Variants in LRRFIP2 observed in about 807,000 individuals in gnomAD.
The protein encoded by LRRFIP2 is LRR binding FLII interacting protein 2.
LRRFIP2 carries 109 observed loss-of-function variants against 125.9 expected under a neutral mutation model. The ratio of observed to expected loss-of-function variants is 0.87; its 90% CI spans 0.74 to 1.01. LRRFIP2 has a LOEUF of 1.01. LRRFIP2 is among the 50% of genes least tolerant of loss of function. LRRFIP2 has a pLI of 0.00. For synonymous variants in LRRFIP2, 291 were observed against 293.1 expected (o/e 0.99, Z 0.07); for missense variants, 850 against 862.3 (o/e 0.99, Z 0.18).
Position 37,121,526 on chromosome 3 carries a change from T to A in LRRFIP2, c.296A>T (p.Asp99Val). The A allele has an allele frequency of 2.5e-6, 4 of 1,614,052 alleles. No individual in the cohort carries two copies. Among genetic ancestry groups the A allele is most frequent in the Non-Finnish European group, 2.5e-6 (3 of 1,179,910 alleles). The change falls in exon 6 of 28, where the codon GAT becomes GTT. Residue 99 changes from aspartate to valine, a missense_variant. Asp to Val is a radical substitution (Grantham distance 152, BLOSUM62 -3). Coordinates refer to ENST00000336686, the MANE Select transcript of LRRFIP2 (RefSeq NM_006309.4). Reference sequence around the variant, plus strand: ...GCCAACACTTCGAATGGACAATGCATCCTCAACTCCCTGATAAAAATGAAA... The same window carrying A: ...GCCAACACTTCGAATGGACAATGCAACCTCAACTCCCTGATAAAAATGAAA... ...SHHRPYLGVE[D>V]ALSIRSVGSH...
intron 14 of LRRFIP2, among the ~76,000 whole-genome samples, 164 bp from the exon 15 acceptor site, chr3:37,103,177 T>C (rs987851603): frequency 2.0e-5 from 3 of 151,858 alleles, no homozygotes; most frequent in Admixed American, 6.6e-5. Context: ...CTCAAAAAAA[T>C]AAAAAAGAAA....
At chr3:37,173,763 C>T (rs1420194508) in intron 1 of LRRFIP2, among the ~76,000 whole-genome samples, 1 of 152,190 alleles carries the variant, frequency 6.6e-6, no homozygotes, top group Non-Finnish European at 1.5e-5. Context: ...GGTAAACAAT[C>T]CACAAAGAGT....
chr3:37,112,339 AAAG>A (rs1476217596), intron 8 of LRRFIP2, among the ~76,000 whole-genome samples: 2 of 150,606 alleles, frequency 1.3e-5, no homozygotes, highest in African/African-American at 4.9e-5. Flanking sequence ...CATCTCAAAA[AAAG>A]AAAAAAAAAA....
intron 2 of LRRFIP2, 74 bp from the exon 3 acceptor site, chr3:37,129,223 G>C (rs772942798): frequency 7.5e-7 from 1 of 1,334,374 alleles, no homozygotes; most frequent in South Asian, 1.2e-5. Context: ...TGAAAATAAA[G>C]AATGGGACAT....
Position 37,072,995 on chromosome 3 carries a change from G to A in LRRFIP2, c.1372-113C>T, listed in dbSNP as rs552401500. 1.3e-4 allele frequency: 89 copies of A among 660,516 alleles called. No individual in the cohort carries two copies. The African/African-American group carries it at 1.4e-3, about 10-fold the overall frequency. The allele number at this position is 660,516 out of a possible 1,614,324, so 40.9% of individuals were successfully genotyped here. ...TAAAGAAACTTAACCAAAAGGGAAA[G>A]TCTGTGATGAACAGGAAAAGCAAAA... On this transcript the variant is annotated intron_variant, in intron 20 of 27. Transcript: ENST00000336686.
At position 37,066,073 on chromosome 3, in the gene LRRFIP2, C is replaced by G. The variant is rs1018396879; in HGVS notation, c.1567-131G>C. The G allele has an allele frequency of 2.2e-6, 3 of 1,357,848 alleles. No homozygotes were observed. The African/African-American group carries it at 4.3e-5, about 19-fold the overall frequency. The allele number at this position is 1,357,848 out of a possible 1,614,324, so 84.1% of individuals were successfully genotyped here. A position where few individuals can be genotyped will look rare whatever the true frequency, so the allele number is the denominator to read the frequency against. ...AGAATCAGTTACATGAAATATAGCT[C>G]TGTGTAAGAAATAGCTTCAACCTAC... On this transcript the variant is annotated intron_variant, in intron 22 of 27. Coordinates refer to ENST00000336686, the MANE Select transcript of LRRFIP2 (RefSeq NM_006309.4).
rs546752238 is a variant in LRRFIP2 at position 37,060,812 on chromosome 3, C to T, written c.1750-1902G>A. 1.3e-5 allele frequency among the ~76,000 whole-genome samples: 2 copies of T among 152,326 alleles called. No homozygotes were observed. Among genetic ancestry groups the T allele is most frequent in the Admixed American group, 6.5e-5 (1 of 15,304 alleles). Reference sequence around the variant, plus strand: ...TTTATTAAATAGCTCCCAACTTGCACTCCCTCTAGACTATTCCTGTCTTAA... The same window carrying T: ...TTTATTAAATAGCTCCCAACTTGCATTCCCTCTAGACTATTCCTGTCTTAA... On this transcript the variant is annotated intron_variant, in intron 24 of 27. Coordinates refer to ENST00000336686, the MANE Select transcript of LRRFIP2 (RefSeq NM_006309.4). This position sits in a 1 kb window ranked among gnomAD's most constrained non-coding sequence, Gnocchi z 4.1.
intron 17 of LRRFIP2, among the ~76,000 whole-genome samples, chr3:37,092,192 G>A (rs949370397): frequency 2.0e-5 from 3 of 152,152 alleles, no homozygotes; most frequent in Non-Finnish European, 4.4e-5. Flanking sequence ...TAAGAAAAGT[G>A]AAACAGGTCA....
chr3:37,139,824 T>G (rs950923086), intron 2 of LRRFIP2, among the ~76,000 whole-genome samples: 1 of 152,198 alleles, frequency 6.6e-6, no homozygotes, highest in Non-Finnish European at 1.5e-5. Flanking sequence ...AATCTCACCC[T>G]GGTCCAATTC....
chr3:37,068,553 A>T (rs555399069), intron 21 of LRRFIP2: 22 of 152,320 alleles, frequency 1.4e-4, no homozygotes, highest in African/African-American at 5.1e-4. Context: ...GATCAAATGT[A>T]TTCAAGCTGG....
chr3:37,056,656 T>G (rs1222205526), intron 25 of LRRFIP2, among the ~76,000 whole-genome samples: 1 of 152,002 alleles, frequency 6.6e-6, no homozygotes, highest in African/African-American at 2.4e-5. Flanking sequence ...GGTTTCACCA[T>G]GTTAGCCAGG....
chr3:37,157,006 G>A (rs559597209), intron 1 of LRRFIP2, among the ~76,000 whole-genome samples: 86 of 152,172 alleles, frequency 5.7e-4, no homozygotes, highest in African/African-American at 1.8e-3. Flanking sequence ...GCACATGCCT[G>A]TAATCCCAGC....
At chr3:37,149,164 A>G in intron 1 of LRRFIP2, 126 bp from the exon 2 acceptor site, 1 of 639,628 alleles carries the variant, frequency 1.6e-6, no homozygotes, top group South Asian at 2.8e-5. Context: ...AATTATTCCA[A>G]TAAATTTTAG....
chr3:37,072,178 T>C (rs566797860), intron 21 of LRRFIP2, among the ~76,000 whole-genome samples: 23 of 152,168 alleles, frequency 1.5e-4, no homozygotes, highest in Non-Finnish European at 2.4e-4. Context: ...AGAGTTTGAA[T>C]TGAATGCCTG....
At chr3:37,161,913 T>C (rs796410776) in intron 1 of LRRFIP2, among the ~76,000 whole-genome samples, 23 of 150,522 alleles carry the variant, frequency 1.5e-4, no homozygotes, top group African/African-American at 4.6e-4. Flanking sequence ...CTGGGTGCGG[T>C]GGTTCATGTC....
rs768788778 is a variant in LRRFIP2 at position 37,072,777 on chromosome 3, T to C, written c.1464+13A>G. On this transcript the variant is annotated intron_variant, in intron 21 of 27. Coordinates refer to ENST00000336686, the MANE Select transcript of LRRFIP2 (RefSeq NM_006309.4). ...CAATGAGCTTCTAACCAAAGCCCAA[T>C]TTCATTTCATACCCCAATTTTTTTA... is the stretch of plus-strand genomic sequence containing the variant. The C allele has an allele frequency of 7.6e-6, 12 of 1,575,722 alleles. No homozygotes were observed. The highest frequency in any genetic ancestry group is 1.0e-5 in the Non-Finnish European group (12 of 1,146,262).
intron 21 of LRRFIP2, chr3:37,068,682 T>TG (rs2090609580): frequency 6.6e-6 from 1 of 152,142 alleles, no homozygotes; most frequent in African/African-American, 2.4e-5. Context: ...GAGTTCAAAA[T>TG]AACTCTTTAT....
At chr3:37,064,164 A>AGGT in intron 23 of LRRFIP2, 1 of 194,392 alleles carries the variant, frequency 5.1e-6, no homozygotes. Context: ...GGAGAGATCC[A>AGGT]AATATGTGAA....
At chr3:37,114,359 C>A (rs755222950) in intron 7 of LRRFIP2, among the ~76,000 whole-genome samples, 8 of 152,308 alleles carry the variant, frequency 5.3e-5, no homozygotes, top group South Asian at 4.1e-4. Flanking sequence ...CAACTTCACA[C>A]CTGCCAGCTT....
Sources: allele counts gnomAD v4.1 joint callset (sites outside exome capture counted in the v4.1 genomes callset), GRCh38; gene constraint gnomAD v4.1.1; non-coding constraint Gnocchi (gnomAD v3.1); transcripts MANE v1.5; gene names NCBI Gene and HGNC (gene_info 2026-07-23, HGNC 2026-07-21).